CLNK: variants seen among roughly 807,000 people sequenced by gnomAD.
The protein encoded by CLNK is cytokine-dependent hematopoietic cell linker.
Under a neutral mutation model 68.6 loss-of-function variants are expected in CLNK, and 74 were observed. The observed-to-expected ratio is 1.08, with a 90% CI of 0.89 to 1.31. The LOEUF is 1.31. CLNK is among the 50% of genes most tolerant of loss of function. The pLI, the probability that CLNK is intolerant of heterozygous loss-of-function variation, is 0.00. For missense variants in CLNK, 553 were observed against 515.3 expected (o/e 1.07, Z -0.71); for synonymous variants, 198 against 172.2 (o/e 1.15, Z -1.17).
chr4:10,695,447 C>CT, the CLNK span, among the ~76,000 whole-genome samples: 1 of 152,162 alleles, frequency 6.6e-6, no homozygotes, highest in African/African-American at 2.4e-5. Flanking sequence ...CAGAAAGCAG[C>CT]TGGGTCTGTG....
At position 10,659,899 on chromosome 4, in the gene CLNK, C is replaced by A. The variant is rs182773438; in HGVS notation, c.11+7960G>T. Among the ~76,000 whole-genome samples, 1,052 of 152,196 alleles carry A rather than the reference C, an allele frequency of 6.9e-3. 8 individuals carry two copies. The highest frequency in any genetic ancestry group is 0.024 in the African/African-American group (984 of 41,518). On this transcript the variant is annotated intron_variant, in intron 2 of 18. Coordinates refer to ENST00000226951, the MANE Select transcript of CLNK (RefSeq NM_052964.4). The stretch of plus-strand genomic sequence containing the variant: ...TTTTACAATTTTACTGTCAGGTGTA[C>A]TTGAACTTAACAAAATTTTCCTGAA...
the CLNK span, among the ~76,000 whole-genome samples, chr4:10,729,217 T>G: frequency 3.8e-3 from 574 of 152,340 alleles, 6 homozygotes; most frequent in African/African-American, 0.013. Flanking sequence ...TGTCTTTTAC[T>G]GGTCTTACAC....
At chr4:10,694,845 G>A in the CLNK span, among the ~76,000 whole-genome samples, 1 of 152,154 alleles carries the variant, frequency 6.6e-6, no homozygotes, top group African/African-American at 2.4e-5. Flanking sequence ...TTAGCCTTAT[G>A]TCCTCCAGCT....
chr4:10,608,924 C>T (rs1296235062), intron 2 of CLNK, among the ~76,000 whole-genome samples: 4 of 152,232 alleles, frequency 2.6e-5, no homozygotes, highest in East Asian at 3.9e-4. Flanking sequence ...GGTATCCTCA[C>T]GTGGCCAAAA....
chr4:10,508,001 G>A lies in CLNK; in HGVS notation c.942C>T (p.Tyr314=), dbSNP rs145249331. 123 of 1,610,978 alleles carry A rather than the reference G, an allele frequency of 7.6e-5. No homozygotes were observed. The East Asian group carries it at 2.5e-3, about 32-fold the overall frequency. ...ATGCCTCTTCCACTGCCTGGCGGCT[G>A]TATTCTCCAATGTACCATTCATTGT... ...VQHNEWYIGE[Y]SRQAVEEAFM... is the part of the protein sequence containing the mutation. The change falls in exon 17 of 19, where the codon TAC becomes TAT. Residue 314 remains tyrosine, a synonymous_variant. Transcript: ENST00000226951.
Position 10,513,374 on chromosome 4 carries a change from T to G in CLNK, c.906+90A>C, listed in dbSNP as rs1717682524. ...GAAGGGAAAAAGTTAAAGTCAAACA[T>G]AAATAATCTCCTTTTGGGCATTGTT... On this transcript the variant is annotated intron_variant, in intron 16 of 18. Coordinates refer to ENST00000226951, the MANE Select transcript of CLNK (RefSeq NM_052964.4). 4.0e-6 allele frequency: 5 copies of G among 1,249,026 alleles called. No homozygotes were observed. In the Admixed American group the frequency reaches 1.5e-4, roughly 36 times the overall value. The allele number at this position is 1,249,026 out of a possible 1,614,324, so 77.4% of individuals were successfully genotyped here.
intron 1 of CLNK, among the ~76,000 whole-genome samples, chr4:10,679,470 T>A (rs576874323): frequency 6.6e-6 from 1 of 152,206 alleles, no homozygotes; most frequent in South Asian, 2.1e-4. Flanking sequence ...GGACTTCATG[T>A]CTAAAACATC....
At chr4:10,654,033 G>A (rs900015503) in intron 2 of CLNK, among the ~76,000 whole-genome samples, 5 of 144,468 alleles carry the variant, frequency 3.5e-5, no homozygotes, top group East Asian at 2.8e-4. Context: ...AAGGTCCAAC[G>A]TATTCCCCAT....
At chr4:10,733,725 G>C in the CLNK span, among the ~76,000 whole-genome samples, 1 of 152,196 alleles carries the variant, frequency 6.6e-6, no homozygotes, top group Non-Finnish European at 1.5e-5. Context: ...GTAGTTGATA[G>C]GAGCTTGTTG....
At chr4:10,499,036 C>T (rs192449343) in intron 18 of CLNK, among the ~76,000 whole-genome samples, 15 of 150,374 alleles carry the variant, frequency 1.0e-4, no homozygotes, top group Middle Eastern at 3.4e-3. Flanking sequence ...TGCCCAGGCA[C>T]GCCACAGTAC....
intron 1 of CLNK, among the ~76,000 whole-genome samples, chr4:10,679,096 G>C (rs3099723): frequency 2.6e-5 from 4 of 152,074 alleles, no homozygotes; most frequent in African/African-American, 4.8e-5. Flanking sequence ...GGAGGCATCA[G>C]ACTACCTGAC....
chr4:10,731,237 G>A, the CLNK span, among the ~76,000 whole-genome samples: 1 of 152,270 alleles, frequency 6.6e-6, no homozygotes, highest in East Asian at 1.9e-4. Context: ...CAATCATTAT[G>A]TATTAGTTTT....
intron 2 of CLNK, among the ~76,000 whole-genome samples, chr4:10,620,575 C>T (rs1304552358): frequency 6.6e-6 from 1 of 152,188 alleles, no homozygotes; most frequent in Non-Finnish European, 1.5e-5. Context: ...CATGCCTAGG[C>T]TGCAGGGCTC....
At chr4:10,729,705 T>C in the CLNK span, among the ~76,000 whole-genome samples, 1 of 152,234 alleles carries the variant, frequency 6.6e-6, no homozygotes. Context: ...CATGGTTTGC[T>C]CTTGATGTCC....
chr4:10,508,679 C>G (rs1318064192), intron 16 of CLNK, among the ~76,000 whole-genome samples: 4 of 152,150 alleles, frequency 2.6e-5, no homozygotes, highest in Non-Finnish European at 5.9e-5. Flanking sequence ...TATTAAATAA[C>G]CCCCCTTGTG....
At chr4:10,552,926 G>A (rs1560213382) in intron 8 of CLNK, among the ~76,000 whole-genome samples, 1 of 151,982 alleles carries the variant, frequency 6.6e-6, no homozygotes, top group African/African-American at 2.4e-5. Context: ...CCAATTTCAT[G>A]TTTATTATTA....
chr4:10,706,600 T>C, the CLNK span, among the ~76,000 whole-genome samples: 1 of 152,190 alleles, frequency 6.6e-6, no homozygotes, highest in South Asian at 2.1e-4. Flanking sequence ...TCTGCATACA[T>C]CTCCTATGGG....
chr4:10,494,631 G>A (rs1362818395), intron 18 of CLNK, among the ~76,000 whole-genome samples: 2 of 151,948 alleles, frequency 1.3e-5, no homozygotes, highest in Non-Finnish European at 2.9e-5. Flanking sequence ...CTAACTTTTC[G>A]TGTTTTTAGT....
intron 17 of CLNK, among the ~76,000 whole-genome samples, chr4:10,504,847 C>G (rs1197870072): frequency 6.6e-6 from 1 of 152,080 alleles, no homozygotes; most frequent in Non-Finnish European, 1.5e-5. Context: ...AGAACTGAGA[C>G]AAACAGAAAA....
Sources: gnomAD v4.1 joint callset for allele counts (sites outside exome capture counted in the v4.1 genomes callset) on GRCh38, gnomAD v4.1.1 for gene constraint, MANE v1.5 for transcripts, NCBI Gene and HGNC (gene_info 2026-07-23, HGNC 2026-07-21) for gene names.